SLC4A7: variants seen among roughly 807,000 people sequenced by gnomAD.
SLC4A7 encodes the protein sodium bicarbonate cotransporter 3.
In SLC4A7, 51 loss-of-function variants were observed where a neutral mutation model predicts 137.6. The ratio of observed to expected loss-of-function variants is 0.37; its 90% CI spans 0.30 to 0.47. The LOEUF (loss-of-function observed/expected upper bound fraction) is 0.47. Among genes scored for constraint, SLC4A7 ranks in the 20% least tolerant of loss-of-function variants. The pLI is 1.00. For missense variants in SLC4A7, 1,247 were observed against 1,525.4 expected (o/e 0.82, Z 3.04); for synonymous variants, 542 against 518.6 (o/e 1.05, Z -0.61).
At chr3:27,406,893 G>A (rs1017390286) in intron 13 of SLC4A7, among the ~76,000 whole-genome samples, 6 of 152,058 alleles carry the variant, frequency 3.9e-5, no homozygotes, top group Admixed American at 3.3e-4. Context: ...CTGCACTCTA[G>A]CCTGAGTGAC....
intron 20 of SLC4A7, 38 bp downstream of exon 20, chr3:27,394,480 T>C (rs1192794637): frequency 1.2e-5 from 19 of 1,553,914 alleles, no homozygotes; most frequent in African/African-American, 6.9e-5. Flanking sequence ...ATAAATGTTA[T>C]AATAAGATTG....
chr3:27,483,974 C>T (rs921266572), intron 1 of SLC4A7, 93 bp downstream of exon 1: 17 of 1,029,108 alleles, frequency 1.7e-5, no homozygotes, highest in Non-Finnish European at 2.1e-5. Flanking sequence ...GACGAGGTGG[C>T]CGAGCCGCGA....
intron 3 of SLC4A7, among the ~76,000 whole-genome samples, chr3:27,444,083 A>G (rs566236766): frequency 1.2e-4 from 18 of 152,312 alleles, no homozygotes; most frequent in African/African-American, 4.3e-4. Context: ...GTCAGTATCA[A>G]TCTGGTTGGG....
At chr3:27,460,126 C>G (rs1052599199) in intron 1 of SLC4A7, among the ~76,000 whole-genome samples, 5 of 151,834 alleles carry the variant, frequency 3.3e-5, no homozygotes, top group Non-Finnish European at 7.4e-5. Context: ...CTCCGCCTCC[C>G]AAGTTCAAGC....
chr3:27,390,365 T>A (rs1029743489), intron 21 of SLC4A7: 10 of 320,560 alleles, frequency 3.1e-5, no homozygotes, highest in Non-Finnish European at 4.6e-5. Context: ...AATGTTTAAT[T>A]CAGAGGATTA....
Position 27,452,294 on chromosome 3 carries a change from C to T in SLC4A7, c.142+123G>A, listed in dbSNP as rs139454361. ...CAAATGGCACTCTTCTCAATGTACG[C>T]TTTACCTTACAACAATAACAAAAAA... is the stretch of plus-strand genomic sequence containing the variant. On this transcript the variant is annotated intron_variant, in intron 2 of 25. Transcript: ENST00000454389. The T allele has an allele frequency of 1.7e-4, 109 of 635,974 alleles. No individual in the cohort carries two copies. The African/African-American group carries it at 1.9e-3, about 11-fold the overall frequency. The allele number at this position is 635,974 out of a possible 1,614,324, so 39.4% of individuals were successfully genotyped here. A position where few individuals can be genotyped will look rare whatever the true frequency, so the allele number is the denominator to read the frequency against.
intron 5 of SLC4A7, among the ~76,000 whole-genome samples, chr3:27,435,799 C>T (rs558952537): frequency 6.6e-6 from 1 of 152,266 alleles, no homozygotes; most frequent in African/African-American, 2.4e-5. Flanking sequence ...CAAGATCGTG[C>T]CACTGCACTC....
rs191033957 is a variant in SLC4A7, at chr3:27,422,453, A to G, written c.1267-674T>C. ...TGGCTAATTTTTGTTGTTTTTTTGT[A>G]GAGGTGGGGGGCTTGCTATATTGCC... is the stretch of plus-strand genomic sequence containing the variant. On this transcript the variant is annotated intron_variant, in intron 8 of 25. Coordinates refer to ENST00000454389, the MANE Select transcript of SLC4A7 (RefSeq NM_001321103.2). Among the ~76,000 whole-genome samples the G allele has an allele frequency of 2.6e-5, 4 of 151,922 alleles. No individual in the cohort carries two copies. In the East Asian group the frequency reaches 7.8e-4, roughly 29 times the overall value.
chr3:27,389,648 ATT>A (rs973281668), intron 22 of SLC4A7, among the ~76,000 whole-genome samples: 2 of 152,150 alleles, frequency 1.3e-5, no homozygotes, highest in Non-Finnish European at 2.9e-5. Flanking sequence ...TTGAAAATGT[ATT>A]TGTTCCATGA....
At position 27,381,784 on chromosome 3, in the gene SLC4A7, T is replaced by A. The variant is rs139490487; in HGVS notation, c.3590+1369A>T. ...TTTCGCTAACTAATCAGAAATGGAA[T>A]AGATGTGTAGAAATAGGAGGGCCAG... On this transcript the variant is annotated intron_variant, in intron 24 of 25. Transcript: ENST00000454389. Among the ~76,000 whole-genome samples the A allele has an allele frequency of 3.6e-4, 55 of 152,248 alleles. No individual in the cohort carries two copies. The East Asian group carries it at 7.7e-3, about 21-fold the overall frequency.
intron 6 of SLC4A7, among the ~76,000 whole-genome samples, chr3:27,432,110 G>A (rs2056359996): frequency 3.3e-5 from 5 of 152,018 alleles, no homozygotes; most frequent in Admixed American, 6.5e-5. Flanking sequence ...AACAGCTACA[G>A]ACAATTATCT....
At chr3:27,397,449 T>C (rs146011640) in intron 18 of SLC4A7, among the ~76,000 whole-genome samples, 1 of 152,110 alleles carries the variant, frequency 6.6e-6, no homozygotes, top group African/African-American at 2.4e-5. Flanking sequence ...ATATTTTCAT[T>C]CACTCTCTCT....
In SLC4A7 at chr3:27,484,088, T is replaced by C. The variant is rs1576723967; in HGVS notation, c.39A>G (p.Leu13=). Residue 13 remains leucine, a synonymous_variant, in exon 1 of 26, where the codon CTA becomes CTG. Transcript: ENST00000454389. ...TCACCCTGCTCGTTACCCGGGTGAG[T>C]AGCGGTCTCATCTGCTCGCCGGCCC... ...ADGAGEQMRP[L]LTRVTSRGPD... 2.1e-6 allele frequency: 3 copies of C among 1,409,194 alleles called. No individual in the cohort carries two copies. The highest frequency in any genetic ancestry group is 3.0e-5 in the African/African-American group (2 of 67,096). The allele number at this position is 1,409,194 out of a possible 1,614,324, so 87.3% of individuals were successfully genotyped here. A position where few individuals can be genotyped will look rare whatever the true frequency, so the allele number is the denominator to read the frequency against.
In SLC4A7 at chr3:27,394,973, C is replaced by A; in HGVS notation, c.2846G>T (p.Arg949Ile). 1.3e-6 allele frequency: 2 copies of A among 1,596,996 alleles called. No individual in the cohort carries two copies. The highest frequency in any genetic ancestry group is 1.2e-5 in the South Asian group (1 of 86,708). The change falls in exon 19 of 26, where the codon AGA becomes ATA. Residue 949 changes from arginine to isoleucine, a missense_variant. Arg to Ile is a moderately conservative substitution (Grantham distance 97, BLOSUM62 -3). This residue lies in a region of SLC4A7 where 48 missense variants were observed against 97.2 expected (regional missense o/e 0.49). Transcript: ENST00000454389. Reference sequence around the variant, plus strand: ...AATTACCTTCAATTTGTGTTCCTTTCTGTTTATAATTACAGCTGTGATTTG... The same window carrying A: ...AATTACCTTCAATTTGTGTTCCTTTATGTTTATAATTACAGCTGTGATTTG... ...DQQITAVIIN[R>I]KEHKLKKGAG... is the part of the protein sequence containing the mutation.
chr3:27,377,313 T>C (rs901090629), intron 25 of SLC4A7, among the ~76,000 whole-genome samples: 2 of 152,172 alleles, frequency 1.3e-5, no homozygotes, highest in Non-Finnish European at 2.9e-5. Flanking sequence ...AATACATCTA[T>C]TCTATATATT....
chr3:27,467,672 T>C (rs2150680522), intron 1 of SLC4A7, among the ~76,000 whole-genome samples: 1 of 152,314 alleles, frequency 6.6e-6, no homozygotes, highest in East Asian at 1.9e-4. Context: ...TAAATATCAC[T>C]GCCGAGTTCA....
chr3:27,415,319 C>G (rs190726226), intron 11 of SLC4A7, among the ~76,000 whole-genome samples: 189 of 152,286 alleles, frequency 1.2e-3, no homozygotes, highest in African/African-American at 4.4e-3. Flanking sequence ...GGGCTCTCAT[C>G]CAGGCCTTCT....
chr3:27,475,124 A>T (rs984739147), intron 1 of SLC4A7, among the ~76,000 whole-genome samples: 1 of 151,944 alleles, frequency 6.6e-6, no homozygotes, highest in Non-Finnish European at 1.5e-5. Context: ...AAAAACCAGT[A>T]TCAAATCCCT....
intron 6 of SLC4A7, among the ~76,000 whole-genome samples, 157 bp from the exon 7 acceptor site, chr3:27,431,826 T>G (rs2056329122): frequency 6.6e-6 from 1 of 152,184 alleles, no homozygotes; most frequent in Non-Finnish European, 1.5e-5. Flanking sequence ...GGTTTTTACA[T>G]GTTAGAAAGT....
Sources: allele counts gnomAD v4.1 joint callset (sites outside exome capture counted in the v4.1 genomes callset), GRCh38; gene constraint gnomAD v4.1.1; regional missense constraint gnomAD v4.1.1; transcripts MANE v1.5; gene names NCBI Gene and HGNC (gene_info 2026-07-23, HGNC 2026-07-21).